KIFC3: variants seen among roughly 807,000 people sequenced by gnomAD.
KIFC3 encodes kinesin family member C3.
In KIFC3, 60 loss-of-function variants were observed where a neutral mutation model predicts 101.8. The observed-to-expected ratio is 0.59, with a 90% confidence interval of 0.48 to 0.73. The LOEUF (loss-of-function observed/expected upper bound fraction) is 0.73, where lower values mean the gene tolerates loss of function less well. KIFC3 is among the 30% of genes least tolerant of loss of function. The probability of loss-of-function intolerance (pLI) is 0.00; values close to 1 mark genes in which losing one functional copy is unlikely to be tolerated. For synonymous variants in KIFC3, 476 were observed against 482.7 expected (o/e 0.99, Z 0.18); for missense variants, 966 against 1,137.1 (o/e 0.85, Z 2.16).
chr16:57,798,165 C>CCACAG lies in KIFC3; in HGVS notation c.78_79insCTGTG (p.Glu27LeufsTer31). 4 of 1,540,274 alleles carry CCACAG rather than the reference C, an allele frequency of 2.6e-6. No individual in the cohort carries two copies. Among genetic ancestry groups the CCACAG allele is most frequent in the Non-Finnish European group, 3.5e-6 (4 of 1,143,194 alleles). ...GGGCGAGCCATCCCCGGCTCGGGCTCCGGGGCCCGGCCCACTCTCCACAGG... is the reference window on the plus strand; with the variant it reads ...GGGCGAGCCATCCCCGGCTCGGGCTCCACAGCGGGGCCCGGCCCACTCTCCACAGG... On this transcript the variant is annotated frameshift_variant, in exon 2 of 20. Coordinates refer to ENST00000445690, the MANE Select transcript of KIFC3 (RefSeq NM_001130100.2). LOFTEE classifies it high-confidence loss of function.
upstream of KIFC3, among the ~76,000 whole-genome samples, chr16:57,805,503 C>T (rs1315442454): frequency 2.6e-5 from 4 of 152,086 alleles, no homozygotes; most frequent in East Asian, 7.7e-4. Flanking sequence ...TTGACCCTTC[C>T]TGCCGAACTC....
At chr16:57,786,145 G>A (rs1555617628) in intron 3 of KIFC3, among the ~76,000 whole-genome samples, 1 of 152,218 alleles carries the variant, frequency 6.6e-6, no homozygotes, top group Non-Finnish European at 1.5e-5. Flanking sequence ...TGCAGAAAGA[G>A]GGGAGCCAGG....
At chr16:57,761,648 C>G (rs1161238149) in intron 13 of KIFC3, 112 bp from the exon 14 acceptor site, 14 of 1,268,434 alleles carry the variant, frequency 1.1e-5, no homozygotes, top group Non-Finnish European at 1.5e-5. Context: ...CCTTCTCCAG[C>G]CATCAGCTGA....
chr16:57,858,107 C>T (rs910070042), intron 1 of KIFC3, among the ~76,000 whole-genome samples: 11 of 152,126 alleles, frequency 7.2e-5, no homozygotes, highest in South Asian at 4.1e-4. Context: ...TGAGCCACCG[C>T]GCCTGGCCCC....
chr16:57,851,635 C>T (rs1053726543), intron 1 of KIFC3, among the ~76,000 whole-genome samples: 5 of 151,744 alleles, frequency 3.3e-5, no homozygotes, highest in Admixed American at 2.0e-4. Flanking sequence ...GGCACAATCC[C>T]GACTCACTGC....
intron 3 of KIFC3, among the ~76,000 whole-genome samples, chr16:57,788,270 C>T (rs1555618695): frequency 6.6e-6 from 1 of 152,200 alleles, no homozygotes; most frequent in Non-Finnish European, 1.5e-5. Flanking sequence ...TAGACAGGCA[C>T]TGGGAAAAAA....
chr16:57,847,639 G>A (rs746912418), intron 1 of KIFC3, among the ~76,000 whole-genome samples: 1 of 152,026 alleles, frequency 6.6e-6, no homozygotes, highest in Non-Finnish European at 1.5e-5. Context: ...GCAGGGGAGG[G>A]GAGTCCTGAA....
chr16:57,801,659 GT>G (rs2054731904), intron 1 of KIFC3, among the ~76,000 whole-genome samples: 1 of 152,244 alleles, frequency 6.6e-6, no homozygotes. Context: ...CAGTGTTGGG[GT>G]ATGGAGGTGG....
intron 1 of KIFC3, among the ~76,000 whole-genome samples, chr16:57,826,626 A>C (rs1464501159): frequency 6.6e-6 from 1 of 152,208 alleles, no homozygotes; most frequent in African/African-American, 2.4e-5. Context: ...TACTAGAGGG[A>C]GGCTCATAGA....
chr16:57,792,588 G>A (rs931104243), intron 3 of KIFC3, among the ~76,000 whole-genome samples: 5 of 152,030 alleles, frequency 3.3e-5, no homozygotes, highest in Non-Finnish European at 7.4e-5. Flanking sequence ...AGACTATTAC[G>A]CAGCCGTGTA....
At position 57,798,093 on chromosome 16, in the gene KIFC3, C is replaced by T. The variant is rs782704437; in HGVS notation, c.151G>A (p.Gly51Ser). ...TCACCAGTTCTCAACCTCCCCGGGC[C>T]GGTGTGTGGGAAAGGGCGGGCGGCC... ...SPAARPFPHT[G>S]PGRLRTGRGK... is the part of the protein sequence containing the mutation. Residue 51 changes from glycine (G) to serine (S), a missense_variant, in exon 2 of 20, where the codon GGC becomes AGC. By Grantham distance (56) the Gly-to-Ser change is moderately conservative (BLOSUM62 0). Transcript: ENST00000445690. The T allele has an allele frequency of 3.1e-6, 5 of 1,592,418 alleles. No individual in the cohort carries two copies. The highest frequency in any genetic ancestry group is 1.1e-5 in the South Asian group (1 of 87,726).
intron 1 of KIFC3, among the ~76,000 whole-genome samples, chr16:57,855,665 G>T (rs556588449): frequency 6.6e-6 from 1 of 151,950 alleles, no homozygotes; most frequent in East Asian, 1.9e-4. Flanking sequence ...GCAGAACTTG[G>T]CCAGGTGTGG....
intron 10 of KIFC3, among the ~76,000 whole-genome samples, chr16:57,766,656 C>T (rs1368806445): frequency 6.6e-6 from 1 of 152,224 alleles, no homozygotes; most frequent in Admixed American, 6.5e-5. Context: ...GGGGCCAGGG[C>T]TTCTGAGCTG....
intron 9 of KIFC3, among the ~76,000 whole-genome samples, chr16:57,767,740 T>C (rs1367220214): frequency 6.6e-6 from 1 of 152,258 alleles, no homozygotes; most frequent in African/African-American, 2.4e-5. Flanking sequence ...TGGTGTTATC[T>C]TGGCTCACTG....
At position 57,798,497 on chromosome 16, in the gene KIFC3, C is replaced by T. The variant is rs1393301181; in HGVS notation, c.-39-215G>A. 8.5e-6 allele frequency: 5 copies of T among 591,336 alleles called. No individual in the cohort carries two copies. In the East Asian group the frequency reaches 1.5e-4, roughly 17 times the overall value. The allele number at this position is 591,336 out of a possible 1,614,324, so 36.6% of individuals were successfully genotyped here. A position where few individuals can be genotyped will look rare whatever the true frequency, so the allele number is the denominator to read the frequency against. On this transcript the variant is annotated intron_variant, in intron 1 of 19. Transcript: ENST00000445690. ...GGGTATTTGTTTCCGAATACGGAGG[C>T]TCCGAAGTGCGAAAGTTGCATATCA... is the stretch of plus-strand genomic sequence containing the variant.
At chr16:57,785,459 G>A (rs2053221522) in intron 3 of KIFC3, 1 of 1,283,582 alleles carries the variant, frequency 7.8e-7, no homozygotes, top group Admixed American at 2.3e-5. Flanking sequence ...AGCCTCCCCA[G>A]GTACCTGGTT....
upstream of KIFC3, among the ~76,000 whole-genome samples, chr16:57,807,060 A>T (rs1255187337): frequency 6.6e-6 from 1 of 152,150 alleles, no homozygotes; most frequent in African/African-American, 2.4e-5. Context: ...TCTATTAAAA[A>T]TACAAAAATT....
chr16:57,832,764 G>A (rs1392089780), intron 1 of KIFC3, among the ~76,000 whole-genome samples: 2 of 151,930 alleles, frequency 1.3e-5, no homozygotes, highest in African/African-American at 2.4e-5. Flanking sequence ...CTTTAAAAAC[G>A]GAGGGCTCCG....
chr16:57,759,510 C>T lies in KIFC3; in HGVS notation c.2476+218G>A, dbSNP rs548570320. On this transcript the variant is annotated intron_variant, in intron 18 of 19. Transcript: ENST00000445690. ...GAGGCTGGGGTCTCCTTACACTGCC[C>T]CCTTCCCACAGACCTTCCATTTCCC... The T allele has an allele frequency of 5.2e-5, 30 of 581,072 alleles. 1 individual carries two copies. Among genetic ancestry groups the T allele is most frequent in the Middle Eastern group, 6.9e-4 (2 of 2,880 alleles). 36.0% of individuals were successfully genotyped at this position (581,072 alleles called of 1,614,324 possible). A position where few individuals can be genotyped will look rare whatever the true frequency, so the allele number is the denominator to read the frequency against.
Sources: gnomAD v4.1 joint callset for allele counts (sites outside exome capture counted in the v4.1 genomes callset) on GRCh38, gnomAD v4.1.1 for gene constraint, MANE v1.5 for transcripts, NCBI Gene and HGNC (gene_info 2026-07-23, HGNC 2026-07-21) for gene names.